The following PAK5 variants were observed in gnomAD, a reference collection of about 807,000 sequenced individuals.
The protein encoded by PAK5 is serine/threonine-protein kinase PAK 5.
In PAK5, 16 loss-of-function variants were observed where a neutral mutation model predicts 65.9. That is an observed-to-expected ratio of 0.24 (90% CI 0.16 to 0.37). The LOEUF (loss-of-function observed/expected upper bound fraction) is 0.37, where lower values mean the gene tolerates loss of function less well. Ranked by LOEUF, PAK5 falls within the 10% of genes least tolerant of loss-of-function variation. The pLI is 1.00. For missense variants in PAK5, 785 were observed against 903.9 expected (o/e 0.87, Z 1.69); for synonymous variants, 371 against 354.9 (o/e 1.05, Z -0.51).
intron 3 of PAK5, among the ~76,000 whole-genome samples, chr20:9,628,558 G>A (rs1039820670): frequency 1.3e-5 from 2 of 152,096 alleles, no homozygotes; most frequent in Non-Finnish European, 2.9e-5. Flanking sequence ...GTTTTCATTT[G>A]TCTTTACAAT....
At chr20:9,673,674 T>C (rs2047530798) in intron 2 of PAK5, among the ~76,000 whole-genome samples, 1 of 152,214 alleles carries the variant, frequency 6.6e-6, no homozygotes, top group African/African-American at 2.4e-5. Context: ...ACTTTTCCTC[T>C]TATCTGTTCT....
rs528584377 is a variant in PAK5, at chr20:9,771,777, G to A, written c.-161-60342C>T. On this transcript the variant is annotated intron_variant, in intron 1 of 9. Transcript: ENST00000353224. ...TTGCCATCAAGGAACAGTGGCTCAT[G>A]CCTGTAATATCAACACTTTGGGAGT... Among the ~76,000 whole-genome samples, 135 of 152,026 alleles carry A rather than the reference G, an allele frequency of 8.9e-4. 1 individual carries two copies. The highest frequency in any genetic ancestry group is 3.2e-3 in the African/African-American group (132 of 41,454).
At chr20:9,709,155 A>G (rs1435900185) in intron 2 of PAK5, among the ~76,000 whole-genome samples, 1 of 152,192 alleles carries the variant, frequency 6.6e-6, no homozygotes, top group East Asian at 1.9e-4. Flanking sequence ...TCTCCAGCTA[A>G]TCAAAGAGTT....
intron 3 of PAK5, among the ~76,000 whole-genome samples, chr20:9,617,516 A>C (rs2046680009): frequency 1.3e-5 from 2 of 151,178 alleles, no homozygotes; most frequent in South Asian, 4.2e-4. Flanking sequence ...AGACTTACTC[A>C]ATTTGCAGGG....
intron 4 of PAK5, among the ~76,000 whole-genome samples, chr20:9,573,932 C>T (rs534103003): frequency 5.3e-5 from 8 of 152,268 alleles, no homozygotes; most frequent in South Asian, 4.2e-4. Context: ...AAAATGAAAA[C>T]GCCAGGCTGG....
Position 9,669,594 on chromosome 20 carries a change from C to T in PAK5, c.-11-25255G>A, listed in dbSNP as rs2047466041. 3.3e-5 allele frequency among the ~76,000 whole-genome samples: 5 copies of T among 152,164 alleles called. No individual in the cohort carries two copies. In the South Asian group the frequency reaches 1.0e-3, roughly 32 times the overall value. Reference sequence around the variant, plus strand: ...AAGAGAGAAGAGCTTTATCTATCATCATCTAGGCAACATCCAAGCTGAGAG... The same window carrying T: ...AAGAGAGAAGAGCTTTATCTATCATTATCTAGGCAACATCCAAGCTGAGAG... On this transcript the variant is annotated intron_variant, in intron 2 of 9. Transcript: ENST00000353224.
chr20:9,675,099 T>C (rs1265421030), intron 2 of PAK5, among the ~76,000 whole-genome samples: 2 of 152,218 alleles, frequency 1.3e-5, no homozygotes, highest in Non-Finnish European at 2.9e-5. Flanking sequence ...AAATTGTTTG[T>C]ATTTTAATTG....
Position 9,539,235 on chromosome 20 carries a change from C to T in PAK5, c.*227G>A. On this transcript the variant is annotated 3_prime_UTR_variant, in exon 10 of 10. Transcript: ENST00000353224. ...GAAGGGCTGAAAAATATAATAATGACTTATTAAAGCCGTGCTCCAAGTGAC... is the reference window on the plus strand; with the variant it reads ...GAAGGGCTGAAAAATATAATAATGATTTATTAAAGCCGTGCTCCAAGTGAC... The T allele has an allele frequency of 2.2e-6, 1 of 451,496 alleles. No homozygotes were observed. Among genetic ancestry groups the T allele is most frequent in the Admixed American group, 3.4e-5 (1 of 29,598 alleles). The allele number at this position is 451,496 out of a possible 1,614,324, so 28.0% of individuals were successfully genotyped here.
intron 9 of PAK5, 108 bp from the exon 10 acceptor site, chr20:9,539,725 T>A: frequency 1.2e-6 from 1 of 840,210 alleles, no homozygotes; most frequent in Non-Finnish European, 1.9e-6. Flanking sequence ...TCCAGAAAGT[T>A]ACCTTAAGGA....
At chr20:9,650,190 G>T (rs1296711483) in intron 2 of PAK5, among the ~76,000 whole-genome samples, 1 of 152,216 alleles carries the variant, frequency 6.6e-6, no homozygotes, top group Non-Finnish European at 1.5e-5. Context: ...CAAGGGACTG[G>T]ATGATCTGAA....
chr20:9,667,203 G>A (rs534907563), intron 2 of PAK5, among the ~76,000 whole-genome samples: 2 of 152,236 alleles, frequency 1.3e-5, no homozygotes, highest in African/African-American at 4.8e-5. Flanking sequence ...CTTGAACCTG[G>A]GAGGCAGAGG....
chr20:9,775,288 C>T (rs1025198200), intron 1 of PAK5, among the ~76,000 whole-genome samples: 4 of 152,076 alleles, frequency 2.6e-5, no homozygotes, highest in Admixed American at 1.3e-4. Flanking sequence ...AGAGCTGCGT[C>T]GGTAGACTCA....
At chr20:9,790,955 T>C (rs1180755801) in intron 1 of PAK5, among the ~76,000 whole-genome samples, 1 of 152,126 alleles carries the variant, frequency 6.6e-6, no homozygotes, top group Admixed American at 6.6e-5. Context: ...GGAATGGGTG[T>C]TGGGAATGGG....
In PAK5 at chr20:9,693,468, C is replaced by T. The variant is rs976328814; in HGVS notation, c.-12+17818G>A. Among the ~76,000 whole-genome samples the T allele has an allele frequency of 6.7e-5, 10 of 149,556 alleles. No individual in the cohort carries two copies. The Admixed American group carries it at 6.7e-4, about 10-fold the overall frequency. On this transcript the variant is annotated intron_variant, in intron 2 of 9. Transcript: ENST00000353224. The stretch of plus-strand genomic sequence containing the variant: ...ATCTTCCCCTCCCTCCCTTTCTCTC[C>T]CTCTCTCTCTCTCTCACATGCACAT...
At chr20:9,624,562 C>T (rs2046816642) in intron 3 of PAK5, among the ~76,000 whole-genome samples, 1 of 117,396 alleles carries the variant, frequency 8.5e-6, no homozygotes, top group African/African-American at 3.3e-5. Context: ...AATTAAGGTT[C>T]ATGTTTTCTC....
At chr20:9,639,873 A>T (rs910531808) in intron 3 of PAK5, among the ~76,000 whole-genome samples, 1 of 152,216 alleles carries the variant, frequency 6.6e-6, no homozygotes, top group Non-Finnish European at 1.5e-5. Context: ...GCTAAGTCCC[A>T]CATCCACAGA....
At chr20:9,835,327 G>C (rs370567037) in intron 1 of PAK5, among the ~76,000 whole-genome samples, 1 of 152,130 alleles carries the variant, frequency 6.6e-6, no homozygotes, top group Non-Finnish European at 1.5e-5. Context: ...GAGTTGGGTC[G>C]GTGGGGAAGA....
intron 2 of PAK5, among the ~76,000 whole-genome samples, chr20:9,708,909 G>A (rs1293946709): frequency 7.1e-6 from 1 of 140,632 alleles, no homozygotes; most frequent in East Asian, 2.2e-4. Flanking sequence ...AAACAATAAG[G>A]CACCTTTTCT....
intron 2 of PAK5, among the ~76,000 whole-genome samples, chr20:9,704,244 T>C (rs1186595222): frequency 6.6e-6 from 1 of 152,152 alleles, no homozygotes; most frequent in African/African-American, 2.4e-5. Flanking sequence ...CAGAGATTAG[T>C]CTCCTTTAAA....
Sources: gnomAD v4.1 joint callset for allele counts (sites outside exome capture counted in the v4.1 genomes callset) on GRCh38, gnomAD v4.1.1 for gene constraint, MANE v1.5 for transcripts, NCBI Gene and HGNC (gene_info 2026-07-23, HGNC 2026-07-21) for gene names.